The following LUZP2 variants were observed in gnomAD, a reference collection of about 807,000 sequenced individuals.
LUZP2 encodes the protein leucine zipper protein 2.
A neutral mutation model predicts 51.6 loss-of-function variants in LUZP2; 52 were observed. The observed-to-expected ratio is 1.01, with a 90% CI of 0.81 to 1.27. LUZP2 has a LOEUF of 1.27. LUZP2 is among the 50% of genes most tolerant of loss of function. The pLI, the probability that LUZP2 is intolerant of heterozygous loss-of-function variation, is 0.00. For missense variants in LUZP2, 436 were observed against 395.4 expected (o/e 1.10, Z -0.87); for synonymous variants, 154 against 137.3 (o/e 1.12, Z -0.85).
At chr11:24,713,341 G>A (rs1473435003) in intron 1 of LUZP2, among the ~76,000 whole-genome samples, 11 of 152,076 alleles carry the variant, frequency 7.2e-5, no homozygotes, top group African/African-American at 9.7e-5. Context: ...TAGCGAAACC[G>A]AATCGAAGTC....
At chr11:24,616,447 T>TTG (rs148276843) in intron 1 of LUZP2, among the ~76,000 whole-genome samples, 1,585 of 143,200 alleles carry the variant, frequency 0.011, 26 homozygotes, top group African/African-American at 0.04. Flanking sequence ...TTTGGTGGTA[T>TTG]TGTGTGTGTG....
At chr11:25,002,708 T>A (rs1393765390) in intron 9 of LUZP2, among the ~76,000 whole-genome samples, 1 of 152,306 alleles carries the variant, frequency 6.6e-6, no homozygotes, top group South Asian at 2.1e-4. Context: ...CCCACGAGTA[T>A]GAGTAAGGAC....
intron 5 of LUZP2, among the ~76,000 whole-genome samples, chr11:24,799,135 T>C (rs1394841874): frequency 6.6e-6 from 1 of 152,186 alleles, no homozygotes; most frequent in Non-Finnish European, 1.5e-5. Flanking sequence ...TAAGTAATGC[T>C]AAATAAAACT....
At chr11:24,871,969 A>C (rs187028691) in intron 5 of LUZP2, among the ~76,000 whole-genome samples, 27 of 152,182 alleles carry the variant, frequency 1.8e-4, no homozygotes, top group African/African-American at 6.3e-4. Context: ...AATGTAAACT[A>C]TTAGTTCCAT....
intron 1 of LUZP2, among the ~76,000 whole-genome samples, chr11:24,584,002 G>A (rs765745357): frequency 5.1e-4 from 78 of 152,044 alleles, no homozygotes; most frequent in East Asian, 1.9e-4. Context: ...GTGAGCCACC[G>A]CGCCTGACCT....
chr11:24,999,799 G>C lies in LUZP2; in HGVS notation c.765+16506G>C, dbSNP rs546954103. On this transcript the variant is annotated intron_variant, in intron 9 of 11. Coordinates refer to ENST00000336930, the MANE Select transcript of LUZP2 (RefSeq NM_001009909.4). ...CGGAATTGGTTCCTTCTGGTGGGTT[G>C]TTGGTCTCACTGACTTCAAGAATGA... Among the ~76,000 whole-genome samples, 10 of 152,308 alleles carry C rather than the reference G, an allele frequency of 6.6e-5. No homozygotes were observed. In the South Asian group the frequency reaches 1.9e-3, roughly 28 times the overall value.
intron 5 of LUZP2, among the ~76,000 whole-genome samples, chr11:24,827,669 C>A (rs571247063): frequency 6.6e-6 from 1 of 152,174 alleles, no homozygotes; most frequent in East Asian, 1.9e-4. Context: ...AGGTGGAAAC[C>A]AGACCAGGCA....
intron 9 of LUZP2, among the ~76,000 whole-genome samples, chr11:24,996,038 T>G (rs539947150): frequency 6.6e-6 from 1 of 151,160 alleles, no homozygotes; most frequent in South Asian, 2.1e-4. Flanking sequence ...TTTATATATT[T>G]TATTTTCTCT....
At chr11:24,959,320 C>T (rs1053491673) in intron 7 of LUZP2, among the ~76,000 whole-genome samples, 228 of 152,166 alleles carry the variant, frequency 1.5e-3, no homozygotes, top group African/African-American at 5.3e-3. Context: ...ATGGGGATGG[C>T]ATTGAATCTA....
chr11:24,502,262 A>C (rs1159605085), intron 1 of LUZP2, among the ~76,000 whole-genome samples: 2 of 152,214 alleles, frequency 1.3e-5, no homozygotes, highest in African/African-American at 4.8e-5. Context: ...AGGTGACATG[A>C]AATTAACAAG....
At chr11:24,711,220 C>T (rs965099923) in intron 1 of LUZP2, among the ~76,000 whole-genome samples, 8 of 152,100 alleles carry the variant, frequency 5.3e-5, no homozygotes, top group East Asian at 3.9e-4. Context: ...GAGGCCAAGG[C>T]GGGCGGATCA....
rs981191067 is a variant in LUZP2, at chr11:24,654,160, T to A, written c.63-75009T>A. 4.6e-5 allele frequency among the ~76,000 whole-genome samples: 7 copies of A among 152,292 alleles called. No individual in the cohort carries two copies. In the South Asian group the frequency reaches 1.4e-3, roughly 32 times the overall value. On this transcript the variant is annotated intron_variant, in intron 1 of 11. Coordinates refer to ENST00000336930, the MANE Select transcript of LUZP2 (RefSeq NM_001009909.4). ...AGCCAGACAATGCACACATCGTAAC[T>A]GGAAGGATGACAATATATAGATACA...
intron 1 of LUZP2, among the ~76,000 whole-genome samples, chr11:24,599,411 A>C (rs189887827): frequency 7.6e-4 from 116 of 152,244 alleles, no homozygotes; most frequent in African/African-American, 2.7e-3. Context: ...ACTCATGCTC[A>C]AGTAGAATTC....
chr11:24,583,069 T>G (rs1852930397), intron 1 of LUZP2, among the ~76,000 whole-genome samples: 1 of 152,186 alleles, frequency 6.6e-6, no homozygotes, highest in Admixed American at 6.5e-5. Context: ...TCAGCCCTTT[T>G]CTTGGTCTTT....
chr11:24,510,843 C>T (rs1047562907), intron 1 of LUZP2, among the ~76,000 whole-genome samples: 6 of 152,120 alleles, frequency 3.9e-5, no homozygotes, highest in African/African-American at 1.4e-4. Flanking sequence ...TGACTCTGTG[C>T]TGCTGTGCCA....
intron 1 of LUZP2, among the ~76,000 whole-genome samples, chr11:24,715,110 A>C (rs10834446): frequency 0.33 from 50,615 of 151,942 alleles, 9,108 homozygotes; most frequent in Non-Finnish European, 0.41. Context: ...TCTGGGCGTA[A>C]GTGGACAGAG....
rs1477954906 is a variant in LUZP2 at position 24,911,083 on chromosome 11, G to T, written c.460-3393G>T. Among the ~76,000 whole-genome samples the T allele has an allele frequency of 3.3e-5, 5 of 152,252 alleles. No homozygotes were observed. In the East Asian group the frequency reaches 9.7e-4, roughly 30 times the overall value. ...GCGCTATTGGCTTTCAGCATTGCATGGAGCCTGTGGCCCCTTTGTTTTGGC... is the reference window on the plus strand; with the variant it reads ...GCGCTATTGGCTTTCAGCATTGCATTGAGCCTGTGGCCCCTTTGTTTTGGC... On this transcript the variant is annotated intron_variant, in intron 6 of 11. Coordinates refer to ENST00000336930, the MANE Select transcript of LUZP2 (RefSeq NM_001009909.4).
intron 1 of LUZP2, among the ~76,000 whole-genome samples, chr11:24,607,110 T>C (rs1853948181): frequency 6.6e-6 from 1 of 151,956 alleles, no homozygotes; most frequent in Non-Finnish European, 1.5e-5. Context: ...GTTGAATGTT[T>C]CCTTTACTGT....
chr11:24,968,550 TCTC>T (rs1855653929), intron 7 of LUZP2, among the ~76,000 whole-genome samples: 1 of 152,162 alleles, frequency 6.6e-6, no homozygotes, highest in African/African-American at 2.4e-5. Flanking sequence ...GTTTTTCTCT[TCTC>T]CTCTCAGCCA....
Sources: gnomAD v4.1 joint callset for allele counts (sites outside exome capture counted in the v4.1 genomes callset) on GRCh38, gnomAD v4.1.1 for gene constraint, MANE v1.5 for transcripts, NCBI Gene and HGNC (gene_info 2026-07-23, HGNC 2026-07-21) for gene names.